The following C2CD3 variants were observed in gnomAD, a reference collection of about 807,000 sequenced individuals.
C2CD3 encodes C2 domain-containing protein 3.
In C2CD3, 148 loss-of-function variants were observed where a neutral mutation model predicts 234.0. That is an observed-to-expected ratio of 0.63 (90% CI 0.55 to 0.72). C2CD3 has a LOEUF of 0.72. Among genes scored for constraint, C2CD3 ranks in the 30% least tolerant of loss-of-function variants. The pLI is 0.00. For missense variants in C2CD3, 2,577 were observed against 2,811.5 expected, an observed-to-expected ratio of 0.92 and a Z score of 1.89; for synonymous variants, 1,000 against 1,035.4, an observed-to-expected ratio of 0.97 and a Z score of 0.66.
Position 74,168,514 on chromosome 11 carries a change from A to G in C2CD3, c.155T>C (p.Ile52Thr). The G allele has an allele frequency of 6.2e-7, 1 of 1,614,216 alleles. No homozygotes were observed. The highest frequency in any genetic ancestry group is 2.2e-5 in the East Asian group (1 of 44,886). Residue 52 changes from isoleucine (I) to threonine (T), a missense_variant, in exon 2 of 33, where the codon ATT becomes ACT. Ile to Thr is a moderately conservative substitution (Grantham distance 89). Transcript: ENST00000334126. ...AAGTACACAAGTGGGAGGCTTTGCA[A>G]TCTTCCATATGACTCTATTAACAGT... ...KLTVNRVIWKIAKPPTCVLVR... is the reference protein window; with the variant it reads ...KLTVNRVIWKTAKPPTCVLVR...
intron 30 of C2CD3, 136 bp from the exon 31 acceptor site, chr11:74,034,414 A>T: frequency 1.3e-6 from 2 of 1,513,268 alleles, no homozygotes; most frequent in Admixed American, 2.1e-5. Flanking sequence ...AGTCCACCCA[A>T]GATTCAGTGA....
chr11:74,113,672 TC>T, intron 11 of C2CD3, 107 bp downstream of exon 11: 1 of 730,100 alleles, frequency 1.4e-6, no homozygotes, highest in Non-Finnish European at 2.4e-6. Context: ...AGAGTGAGAC[TC>T]CATGTCAAAA....
intron 32 of C2CD3, among the ~76,000 whole-genome samples, chr11:74,024,780 G>GCTGGCTGGCAGCCAGCCAGA (rs1565204114): frequency 6.6e-6 from 1 of 152,054 alleles, no homozygotes; most frequent in Non-Finnish European, 1.5e-5. Flanking sequence ...AGCCAGCCAG[G>GCTGGCTGGCAGCCAGCCAGA]AGCGTAAGAT....
At chr11:74,094,698 T>C (rs952481456) in intron 17 of C2CD3, among the ~76,000 whole-genome samples, 5 of 152,168 alleles carry the variant, frequency 3.3e-5, no homozygotes, top group Non-Finnish European at 5.9e-5. Context: ...CCCAAGCAAG[T>C]CACTTAATGC....
intron 11 of C2CD3, among the ~76,000 whole-genome samples, chr11:74,110,815 A>C (rs1449511836): frequency 6.6e-6 from 1 of 152,208 alleles, no homozygotes; most frequent in Admixed American, 6.5e-5. Flanking sequence ...GATTTTTTTC[A>C]AGAGTTGAAA....
chr11:74,060,207 TA>T (rs1411723416), intron 24 of C2CD3, among the ~76,000 whole-genome samples: 1 of 151,862 alleles, frequency 6.6e-6, no homozygotes, highest in East Asian at 1.9e-4. Flanking sequence ...CATAGCTGAA[TA>T]AAAGGCAACA....
chr11:74,071,557 T>C (rs764606478), intron 24 of C2CD3, among the ~76,000 whole-genome samples: 3 of 152,230 alleles, frequency 2.0e-5, no homozygotes, highest in African/African-American at 7.2e-5. Context: ...GTCTCCTCAT[T>C]TGTGAAATGA....
At chr11:74,158,287 A>AC (rs1361967978) in intron 3 of C2CD3, among the ~76,000 whole-genome samples, 1 of 152,262 alleles carries the variant, frequency 6.6e-6, no homozygotes, top group African/African-American at 2.4e-5. Context: ...TTGGCATCTG[A>AC]CAAGAGTTAA....
chr11:74,133,097 T>G, intron 6 of C2CD3, 125 bp from the exon 7 acceptor site: 1 of 881,056 alleles, frequency 1.1e-6, no homozygotes, highest in Non-Finnish European at 1.8e-6. Flanking sequence ...CTTAACTGCC[T>G]TAAATAAAAC....
At chr11:74,140,575 G>C (rs573727723) in intron 3 of C2CD3, among the ~76,000 whole-genome samples, 3 of 152,254 alleles carry the variant, frequency 2.0e-5, no homozygotes, top group South Asian at 2.1e-4. Flanking sequence ...CAAAGACTTG[G>C]AGAAGGTACT....
At chr11:74,157,879 G>C (rs1420862813) in intron 3 of C2CD3, among the ~76,000 whole-genome samples, 2 of 152,120 alleles carry the variant, frequency 1.3e-5, no homozygotes, top group African/African-American at 4.8e-5. Context: ...TTAAATGAAA[G>C]GGCCATCTCT....
rs765433488 is a variant in C2CD3, at chr11:74,057,481, T to A, written c.5015A>T (p.Asp1672Val). Residue 1672 changes from aspartate (D) to valine (V), a missense_variant, in exon 25 of 33, where the codon GAT becomes GTT. Physicochemically the swap from Asp to Val is radical, Grantham distance 152 (BLOSUM62 -3). Coordinates refer to ENST00000334126, the MANE Select transcript of C2CD3 (RefSeq NM_001286577.2). ...PSCCVSFATA[D>V]ESSPVYTQVV... ...TTGGGTGTATACAGGAGATGACTCA[T>A]CGGCTGTTGCAAAGGATACACAACA... The A allele has an allele frequency of 1.2e-6, 2 of 1,614,148 alleles. No individual in the cohort carries two copies. Among genetic ancestry groups the A allele is most frequent in the Admixed American group, 3.3e-5 (2 of 60,026 alleles).
Position 74,168,542 on chromosome 11 carries a change from G to C in C2CD3, c.127C>G (p.Leu43Val), listed in dbSNP as rs199658987. Residue 43 changes from leucine (L) to valine (V), a missense_variant, in exon 2 of 33, where the codon CTT becomes GTT. Physicochemically the swap from Leu to Val is conservative, Grantham distance 32. Transcript: ENST00000334126. ...VEGQLRCFLK[L>V]TVNRVIWKIA... ...TTCCATATGACTCTATTAACAGTAAGTTTTAGAAAACAGCGTAGCTGGCCT... is the reference window on the plus strand; with the variant it reads ...TTCCATATGACTCTATTAACAGTAACTTTTAGAAAACAGCGTAGCTGGCCT... 1 of 1,614,142 alleles carries C rather than the reference G, an allele frequency of 6.2e-7. No individual in the cohort carries two copies. The highest frequency in any genetic ancestry group is 1.1e-5 in the South Asian group (1 of 91,084).
chr11:74,126,895 T>C (rs1194827171), intron 7 of C2CD3, among the ~76,000 whole-genome samples: 1 of 152,226 alleles, frequency 6.6e-6, no homozygotes, highest in Non-Finnish European at 1.5e-5. Flanking sequence ...ATCACTACCC[T>C]ACCCATCATC....
rs1490773832 is a variant in C2CD3, at chr11:74,139,644, T to C, written c.668A>G (p.Lys223Arg). ...TCTACTGCTGTTGGCTGCTAACTCT[T>C]TTCCATCAATTTTGATGGTATGTAT... ...RDIHTIKIDG[K>R]ELAANSSRST... Residue 223 changes from lysine (K) to arginine (R), a missense_variant, in exon 4 of 33, where the codon AAA (lysine) becomes AGA (arginine). Transcript: ENST00000334126. The C allele has an allele frequency of 6.2e-7, 1 of 1,613,982 alleles. No homozygotes were observed. Among genetic ancestry groups the C allele is most frequent in the South Asian group, 1.1e-5 (1 of 91,084 alleles).
At chr11:74,032,950 T>C (rs1952582937) in intron 31 of C2CD3, among the ~76,000 whole-genome samples, 1 of 152,218 alleles carries the variant, frequency 6.6e-6, no homozygotes, top group South Asian at 2.1e-4. Flanking sequence ...AAAAGACTTG[T>C]GATGACTGAA....
At chr11:74,044,054 A>G (rs1315352560) in intron 28 of C2CD3, among the ~76,000 whole-genome samples, 2 of 151,994 alleles carry the variant, frequency 1.3e-5, no homozygotes, top group African/African-American at 2.4e-5. Flanking sequence ...AAATAATAAC[A>G]TGGTCTTGAC....
chr11:74,048,016 C>G (rs1953471011), intron 28 of C2CD3, among the ~76,000 whole-genome samples, 189 bp downstream of exon 28: 2 of 152,216 alleles, frequency 1.3e-5, no homozygotes, highest in African/African-American at 4.8e-5. Flanking sequence ...AGTACAAATT[C>G]TAGCTCCTAT....
At position 74,078,594 on chromosome 11, in the gene C2CD3, C is replaced by T; in HGVS notation, c.4124G>A (p.Arg1375Lys). 6.2e-7 allele frequency: 1 copy of T among 1,614,180 alleles called. No individual in the cohort carries two copies. Among genetic ancestry groups the T allele is most frequent in the East Asian group, 2.2e-5 (1 of 44,880 alleles). The stretch of plus-strand genomic sequence containing the variant: ...CTCAGCAGCTTCCAACACCCGTTCT[C>T]TATCTCCACGATGCGTGAAGGAAAT... ...LSISFTHRGDRERVLEAAEHL... is the reference protein window; with the variant it reads ...LSISFTHRGDKERVLEAAEHL... Residue 1375 changes from arginine to lysine, a missense_variant, in exon 23 of 33, where the codon AGA becomes AAA. Arg to Lys is a conservative substitution (Grantham distance 26). Transcript: ENST00000334126.
Sources: gnomAD v4.1 joint callset for allele counts (sites outside exome capture counted in the v4.1 genomes callset) on GRCh38, gnomAD v4.1.1 for gene constraint, MANE v1.5 for transcripts, NCBI Gene and HGNC (gene_info 2026-07-23, HGNC 2026-07-21) for gene names.